HEPHL1: variants seen among roughly 807,000 people sequenced by gnomAD.
HEPHL1 encodes ferroxidase HEPHL1.
In HEPHL1, 123 loss-of-function variants were observed where a neutral mutation model predicts 122.0. The ratio of observed to expected loss-of-function variants is 1.01; its 90% confidence interval spans 0.87 to 1.17. The LOEUF (loss-of-function observed/expected upper bound fraction) is 1.17, where lower values mean the gene tolerates loss of function less well. Among genes scored for constraint, HEPHL1 ranks in the 50% most tolerant of loss-of-function variants. The probability of loss-of-function intolerance (pLI) is 0.00; values close to 1 mark genes in which losing one functional copy is unlikely to be tolerated. For missense variants in HEPHL1, 1,452 were observed against 1,430.5 expected (o/e 1.01, Z -0.24); for synonymous variants, 527 against 508.9 (o/e 1.04, Z -0.48).
At chr11:94,073,547 G>A in intron 8 of HEPHL1, 108 bp downstream of exon 8, 1 of 1,063,306 alleles carries the variant, frequency 9.4e-7, no homozygotes, top group Non-Finnish European at 1.4e-6. Flanking sequence ...TGCCCTGAGA[G>A]CTTGGGCAAT....
intron 9 of HEPHL1, among the ~76,000 whole-genome samples, chr11:94,076,625 C>G (rs1946127396): frequency 6.6e-6 from 1 of 151,936 alleles, no homozygotes; most frequent in Non-Finnish European, 1.5e-5. Flanking sequence ...AAAAAAGTAC[C>G]CTGAAACATC....
chr11:94,099,534 CA>C (rs1444953901), intron 13 of HEPHL1, among the ~76,000 whole-genome samples: 1 of 152,202 alleles, frequency 6.6e-6, no homozygotes, highest in African/African-American at 2.4e-5. Context: ...CTACTCTCTT[CA>C]AAGCTGTCAG....
At chr11:94,097,564 G>T (rs1946328401) in intron 13 of HEPHL1, among the ~76,000 whole-genome samples, 1 of 152,074 alleles carries the variant, frequency 6.6e-6, no homozygotes, top group African/African-American at 2.4e-5. Context: ...TCAATTCCTG[G>T]ATATCCTTGT....
At chr11:94,077,745 C>T (rs528939375) in intron 9 of HEPHL1, among the ~76,000 whole-genome samples, 24 of 152,194 alleles carry the variant, frequency 1.6e-4, no homozygotes, top group Non-Finnish European at 3.1e-4. Context: ...CTCTTGTTCC[C>T]ACAAGTGGGC....
chr11:94,033,501 A>G (rs1945693790), intron 1 of HEPHL1, among the ~76,000 whole-genome samples: 1 of 152,056 alleles, frequency 6.6e-6, no homozygotes, highest in Non-Finnish European at 1.5e-5. Flanking sequence ...CCACCCTCAT[A>G]TCCACAGCGG....
intron 17 of HEPHL1, among the ~76,000 whole-genome samples, chr11:94,109,941 C>T (rs1476343449): frequency 1.3e-5 from 2 of 152,100 alleles, no homozygotes; most frequent in African/African-American, 4.8e-5. Context: ...GTAGAATTTG[C>T]CAATAAAGCC....
intron 13 of HEPHL1, among the ~76,000 whole-genome samples, chr11:94,094,168 G>A (rs1946289418): frequency 6.6e-6 from 1 of 151,050 alleles, no homozygotes; most frequent in Non-Finnish European, 1.5e-5. Context: ...CCCACGACAG[G>A]CCCTGGTGTG....
At chr11:94,059,818 A>G (rs1278801269) in intron 2 of HEPHL1, among the ~76,000 whole-genome samples, 1 of 152,026 alleles carries the variant, frequency 6.6e-6, no homozygotes, top group Non-Finnish European at 1.5e-5. Flanking sequence ...ATAACTCCTA[A>G]TAATAATAAA....
Position 94,086,104 on chromosome 11 carries a change from C to T in HEPHL1, c.1995C>T (p.Thr665=). The part of the protein sequence containing the change: ...DMHGIVFQGN[T]IHLRGTHRDS... ...ATGGAATTGTTTTTCAAGGGAACAC[C>T]ATCCACCTACGAGGGACTCACCGAG... The change falls in exon 11 of 20, where the codon ACC becomes ACT. Residue 665 remains threonine, a synonymous_variant. Transcript: ENST00000315765. 6.2e-7 allele frequency: 1 copy of T among 1,613,630 alleles called. No individual in the cohort carries two copies. The highest frequency in any genetic ancestry group is 8.5e-7 in the Non-Finnish European group (1 of 1,179,804).
At chr11:94,111,177 G>A in intron 18 of HEPHL1, 112 bp downstream of exon 18, 1 of 804,178 alleles carries the variant, frequency 1.2e-6, no homozygotes, top group Non-Finnish European at 2.0e-6. Flanking sequence ...TCAGAGTCAA[G>A]TAAGAGAGAC....
Position 94,093,492 on chromosome 11 carries a change from G to C in HEPHL1, c.2295-9G>C. On this transcript the variant is annotated splice_polypyrimidine_tract_variant and intron_variant, in intron 12 of 19. Coordinates refer to ENST00000315765, the MANE Select transcript of HEPHL1 (RefSeq NM_001098672.2). The stretch of plus-strand genomic sequence containing the variant: ...GACAACTTTAATTTCTGATGCTTCT[G>C]ATTTGCAGACATGGAGATATATTTA... 1 of 1,612,988 alleles carries C rather than the reference G, an allele frequency of 6.2e-7. No individual in the cohort carries two copies. Among genetic ancestry groups the C allele is most frequent in the South Asian group, 1.1e-5 (1 of 90,886 alleles).
In HEPHL1 at chr11:94,110,918, C is replaced by T. The variant is rs372726802; in HGVS notation, c.3061C>T (p.Arg1021Ter). ...SFLFKIDKSYREDVYDLFPGT... is the reference protein window; with the variant it reads ...SFLFKIDKSY Reference sequence around the variant, plus strand: ...GTTTTTGCAGATAGATAAATCTTACCGAGAAGATGTGTATGATCTCTTTCC... The same window carrying T: ...GTTTTTGCAGATAGATAAATCTTACTGAGAAGATGTGTATGATCTCTTTCC... Residue 1021 changes from arginine (R) to a stop codon, truncating the protein, a stop_gained, in exon 18 of 20, where the codon CGA becomes TGA. Transcript: ENST00000315765. LOFTEE classifies it high-confidence loss of function. The T allele has an allele frequency of 1.4e-4, 219 of 1,611,342 alleles. No homozygotes were observed. The highest frequency in any genetic ancestry group is 1.7e-4 in the Non-Finnish European group (205 of 1,178,732).
chr11:94,110,253 G>GCATA (rs1946437818), intron 17 of HEPHL1, among the ~76,000 whole-genome samples: 1 of 152,122 alleles, frequency 6.6e-6, no homozygotes, highest in South Asian at 2.1e-4. Flanking sequence ...ATCTATTGCT[G>GCATA]CATAACAAAT....
chr11:94,093,188 C>G (rs187648666), intron 12 of HEPHL1, among the ~76,000 whole-genome samples: 69 of 152,032 alleles, frequency 4.5e-4, no homozygotes, highest in African/African-American at 1.4e-3. Flanking sequence ...AAGAGAGGCG[C>G]AACCTCAAAG....
chr11:94,038,229 C>G lies in HEPHL1; in HGVS notation c.171-7444C>G, dbSNP rs1165444394. 9.8e-3 allele frequency among the ~76,000 whole-genome samples: 1,484 copies of G among 150,972 alleles called. 23 individuals are homozygous for G. The highest frequency in any genetic ancestry group is 0.034 in the African/African-American group (1,387 of 41,002). ...GAAATATGGGACTATGTGAAAAGAC[C>G]AAATTTACGTCCGATTGGTGTACCT... On this transcript the variant is annotated intron_variant, in intron 1 of 19. Transcript: ENST00000315765.
rs562897907 is a variant in HEPHL1, at chr11:94,111,049, G to T, written c.3192G>T (p.Thr1064=). 1.3e-6 allele frequency: 2 copies of T among 1,595,410 alleles called. No homozygotes were observed. Among genetic ancestry groups the T allele is most frequent in the Non-Finnish European group, 1.7e-6 (2 of 1,169,764 alleles). ...HIHAGMETTY[T]VLRNIDNRIP... ...ATGCTGGCATGGAGACAACCTACAC[G>T]GTCCTTCGTAACATAGGTACGGTTG... is the stretch of plus-strand genomic sequence containing the variant. Residue 1064 remains threonine (T), a synonymous_variant, in exon 18 of 20, where the codon ACG becomes ACT. Transcript: ENST00000315765.
chr11:94,035,601 G>A (rs559681051), intron 1 of HEPHL1, among the ~76,000 whole-genome samples: 24 of 152,246 alleles, frequency 1.6e-4, no homozygotes, highest in Middle Eastern at 3.4e-3. Flanking sequence ...CCATTAACTC[G>A]TCATTTACAT....
Position 94,113,986 on chromosome 11 carries a change from C to T in HEPHL1, c.*2092C>T, listed in dbSNP as rs1946472106. On this transcript the variant is annotated 3_prime_UTR_variant, in exon 20 of 20. Coordinates refer to ENST00000315765, the MANE Select transcript of HEPHL1 (RefSeq NM_001098672.2). ...TCACTCTTGAGAAAATCAACTCTGC[C>T]TTCACTTACACACATATTTCTTCCT... 6.6e-6 allele frequency among the ~76,000 whole-genome samples: 1 copy of T among 152,188 alleles called. No homozygotes were observed. The highest frequency in any genetic ancestry group is 1.5e-5 in the Non-Finnish European group (1 of 68,036).
At chr11:94,030,205 T>C (rs1945660835) in intron 1 of HEPHL1, among the ~76,000 whole-genome samples, 1 of 152,220 alleles carries the variant, frequency 6.6e-6, no homozygotes, top group African/African-American at 2.4e-5. Context: ...ATCCTTGCTG[T>C]GCCACCTTAC....
Sources: allele counts gnomAD v4.1 joint callset (sites outside exome capture counted in the v4.1 genomes callset), GRCh38; gene constraint gnomAD v4.1.1; transcripts MANE v1.5; gene names NCBI Gene and HGNC (gene_info 2026-07-23, HGNC 2026-07-21).